The following ARHGAP6 variants were observed in gnomAD, a reference collection of about 807,000 sequenced individuals.
ARHGAP6 encodes the protein Rho GTPase activating protein 6.
ARHGAP6 carries 16 observed loss-of-function variants against 55.7 expected under a neutral mutation model. The observed-to-expected ratio is 0.29, with a 90% CI of 0.19 to 0.44. ARHGAP6 has a LOEUF of 0.44. Among genes scored for constraint, ARHGAP6 ranks in the 20% least tolerant of loss-of-function variants. The pLI, the probability that ARHGAP6 is intolerant of heterozygous loss-of-function variation, is 1.00. For synonymous variants in ARHGAP6, 382 were observed against 360.9 expected (o/e 1.06, Z -0.66); for missense variants, 698 against 808.9 (o/e 0.86, Z 1.66).
At chrX:11,152,925 A>T (rs1465043132) in intron 10 of ARHGAP6, among the ~76,000 whole-genome samples, 1 of 111,944 alleles carries the variant, frequency 8.9e-6, no homozygotes, top group East Asian at 2.8e-4. Context: ...GGGGTGGCCC[A>T]GGCATAGTTG....
At chrX:11,257,700 C>T (rs1013153353) in intron 1 of ARHGAP6, among the ~76,000 whole-genome samples, 2 of 111,898 alleles carry the variant, frequency 1.8e-5, no homozygotes, top group Admixed American at 9.5e-5. Context: ...ACACAGTCCT[C>T]GTCCTCAGAG....
chrX:11,580,220 A>AT (rs1199457281), intron 1 of ARHGAP6, among the ~76,000 whole-genome samples: 1 of 112,102 alleles, frequency 8.9e-6, no homozygotes, highest in Admixed American at 9.5e-5. Context: ...CATTACATTG[A>AT]TTTTTTCATT....
chrX:11,549,862 G>A (rs994083275), intron 1 of ARHGAP6, among the ~76,000 whole-genome samples: 5 of 112,583 alleles, frequency 4.4e-5, no homozygotes, highest in Admixed American at 9.4e-5. Context: ...TGTATTTTAC[G>A]AAGGTAAAGC....
intron 1 of ARHGAP6, among the ~76,000 whole-genome samples, chrX:11,550,475 C>T (rs947467495): frequency 1.8e-5 from 2 of 112,292 alleles, no homozygotes; most frequent in African/African-American, 6.5e-5. Flanking sequence ...GCATAGACCA[C>T]ACTCCAGACC....
intron 1 of ARHGAP6, among the ~76,000 whole-genome samples, chrX:11,531,574 AC>A (rs1164768564): frequency 9.3e-6 from 1 of 107,463 alleles, no homozygotes; most frequent in East Asian, 2.9e-4. Context: ...ATGTTTGTCA[AC>A]CTAGATTAAT....
intron 10 of ARHGAP6, among the ~76,000 whole-genome samples, chrX:11,152,879 A>G (rs2045803733): frequency 8.9e-6 from 1 of 111,853 alleles, no homozygotes; most frequent in African/African-American, 3.3e-5. Context: ...CCGAATGTCC[A>G]GATTGCAGCC....
intron 1 of ARHGAP6, among the ~76,000 whole-genome samples, chrX:11,562,210 GGT>G (rs2051391936): frequency 8.9e-6 from 1 of 111,912 alleles, no homozygotes; most frequent in East Asian, 2.8e-4. Flanking sequence ...CCACTTAAAA[GGT>G]GTGTGTGTAA....
Position 11,516,239 on chromosome X carries a change from T to C in ARHGAP6, c.588+148002A>G, listed in dbSNP as rs958691034. Among the ~76,000 whole-genome samples, 3 of 112,809 alleles carry C rather than the reference T, an allele frequency of 2.7e-5. No homozygotes were observed. In the Admixed American group the frequency reaches 2.8e-4, roughly 11 times the overall value. On this transcript the variant is annotated intron_variant, in intron 1 of 12. Transcript: ENST00000337414. ...AATGTTTTCTCTTTTATTTCTTTTA[T>C]TGTGGTAACATATACATAATATAAA...
At chrX:11,483,385 T>A (rs775946425) in intron 1 of ARHGAP6, among the ~76,000 whole-genome samples, 1 of 112,108 alleles carries the variant, frequency 8.9e-6, no homozygotes, top group Admixed American at 9.4e-5. Flanking sequence ...CAATGGGATA[T>A]AAAGAGAAGT....
At chrX:11,190,901 A>G (rs758151114) in intron 3 of ARHGAP6, among the ~76,000 whole-genome samples, 46 of 111,944 alleles carry the variant, frequency 4.1e-4, no homozygotes, top group African/African-American at 1.5e-3. Flanking sequence ...AAAGGCTCCA[A>G]CTCTTCACAC....
At chrX:11,452,010 G>A (rs1023706933) in intron 1 of ARHGAP6, among the ~76,000 whole-genome samples, 13 of 112,190 alleles carry the variant, frequency 1.2e-4, no homozygotes, top group African/African-American at 3.9e-4. Context: ...ATATTAGTAT[G>A]GATGCAATCT....
intron 1 of ARHGAP6, among the ~76,000 whole-genome samples, chrX:11,564,550 T>C (rs903205140): frequency 1.8e-5 from 2 of 111,028 alleles, no homozygotes; most frequent in African/African-American, 6.5e-5. Context: ...TATTAATTCA[T>C]CTGAACACAG....
At chrX:11,212,107 C>G (rs1184141271) in intron 2 of ARHGAP6, among the ~76,000 whole-genome samples, 1 of 111,356 alleles carries the variant, frequency 9.0e-6, no homozygotes, top group Non-Finnish European at 1.9e-5. Context: ...TGTTCTAAAC[C>G]TCATCCGTTT....
intron 1 of ARHGAP6, among the ~76,000 whole-genome samples, chrX:11,616,033 G>A (rs777176571): frequency 1.9e-4 from 21 of 111,739 alleles, no homozygotes; most frequent in South Asian, 7.5e-4. Flanking sequence ...GAGGAGAAGC[G>A]TAGAGAGAGG....
At chrX:11,277,450 C>T (rs1225964021) in intron 1 of ARHGAP6, among the ~76,000 whole-genome samples, 3 of 110,886 alleles carry the variant, frequency 2.7e-5, no homozygotes, top group South Asian at 3.9e-4. Context: ...AAAAAAAAAA[C>T]GTAGACAACA....
At chrX:11,303,409 G>A (rs182887272) in intron 1 of ARHGAP6, among the ~76,000 whole-genome samples, 12 of 112,008 alleles carry the variant, frequency 1.1e-4, no homozygotes, top group Non-Finnish European at 2.3e-4. Context: ...AGATTGGGCT[G>A]GGAGTGGTGA....
chrX:11,506,512 T>C (rs2050734478), intron 1 of ARHGAP6, among the ~76,000 whole-genome samples: 1 of 111,200 alleles, frequency 9.0e-6, no homozygotes, highest in African/African-American at 3.3e-5. Context: ...GTTCTTGCGA[T>C]AGTTTGCTCA....
rs147322260 is a variant in ARHGAP6, at chrX:11,185,229, C to G, written c.1273+1007G>C. 6.8e-3 allele frequency among the ~76,000 whole-genome samples: 743 copies of G among 109,562 alleles called. 7 individuals carry two copies. Among genetic ancestry groups the G allele is most frequent in the African/African-American group, 0.023 (691 of 30,087 alleles). On this transcript the variant is annotated intron_variant, in intron 5 of 12. Transcript: ENST00000337414. ...GTATATTCAAGATACATAGGTGATA[C>G]ACAGGCAAGTGAAAGATAAGGTGAA...
At chrX:11,304,028 G>A (rs895987947) in intron 1 of ARHGAP6, among the ~76,000 whole-genome samples, 1 of 111,561 alleles carries the variant, frequency 9.0e-6, no homozygotes, top group African/African-American at 3.3e-5. Context: ...GGAAGCAGGA[G>A]TGATACAAAA....
Sources: gnomAD v4.1 joint callset for allele counts (sites outside exome capture counted in the v4.1 genomes callset) on GRCh38, gnomAD v4.1.1 for gene constraint, MANE v1.5 for transcripts, NCBI Gene and HGNC (gene_info 2026-07-23, HGNC 2026-07-21) for gene names.